The following PTPRD variants were observed in gnomAD, a reference collection of about 807,000 sequenced individuals.
PTPRD encodes the protein receptor-type tyrosine-protein phosphatase delta.
PTPRD carries 34 observed loss-of-function variants against 214.5 expected under a neutral mutation model. The observed-to-expected ratio is 0.16, with a 90% CI of 0.12 to 0.21. PTPRD has a LOEUF of 0.21. Among genes scored for constraint, PTPRD ranks in the 10% least tolerant of loss-of-function variants. The pLI is 1.00. For synonymous variants in PTPRD, 1,128 were observed against 845.7 expected, an observed-to-expected ratio of 1.33 and a Z score of -5.79; for missense variants, 2,545 against 2,398.7, an observed-to-expected ratio of 1.06 and a Z score of -1.27.
At chr9:9,518,624 G>A (rs920980419) in intron 8 of PTPRD, among the ~76,000 whole-genome samples, 5 of 151,966 alleles carry the variant, frequency 3.3e-5, no homozygotes, top group African/African-American at 1.2e-4. Context: ...AAAAACCTGG[G>A]ACCCGAAAGG....
intron 12 of PTPRD, among the ~76,000 whole-genome samples, chr9:8,733,377 T>C (rs1392470853): frequency 6.6e-6 from 1 of 152,176 alleles, no homozygotes; most frequent in Non-Finnish European, 1.5e-5. Flanking sequence ...TGTGACATTG[T>C]GCATTTTTCT....
chr9:9,116,686 TG>T (rs574339750), intron 10 of PTPRD, among the ~76,000 whole-genome samples: 3 of 151,906 alleles, frequency 2.0e-5, no homozygotes, highest in East Asian at 3.9e-4. Context: ...TTGTTTTTCT[TG>T]GGGGGGAAGG....
chr9:9,788,699 G>T (rs1175478190), intron 5 of PTPRD, among the ~76,000 whole-genome samples: 1 of 151,870 alleles, frequency 6.6e-6, no homozygotes, highest in Non-Finnish European at 1.5e-5. Flanking sequence ...GAAGTAAAAA[G>T]AAAAGCCCAA....
chr9:9,899,808 A>G (rs2075956081), intron 5 of PTPRD, among the ~76,000 whole-genome samples: 1 of 152,152 alleles, frequency 6.6e-6, no homozygotes, highest in Admixed American at 6.6e-5. Flanking sequence ...TTAAGTGTCC[A>G]TCAAGAAACA....
intron 7 of PTPRD, among the ~76,000 whole-genome samples, chr9:9,714,784 G>A (rs2097790363): frequency 6.6e-6 from 1 of 152,156 alleles, no homozygotes; most frequent in African/African-American, 2.4e-5. Flanking sequence ...AAAGTTCAAG[G>A]CAGCAATGTT....
chr9:9,034,275 C>A (rs2099614732), intron 10 of PTPRD, among the ~76,000 whole-genome samples: 1 of 152,124 alleles, frequency 6.6e-6, no homozygotes, highest in Admixed American at 6.6e-5. Context: ...GTATCTGTCT[C>A]CAGGTTGGGA....
intron 3 of PTPRD, among the ~76,000 whole-genome samples, chr9:10,050,291 T>A (rs2097505170): frequency 6.6e-6 from 1 of 151,686 alleles, no homozygotes; most frequent in African/African-American, 2.4e-5. Flanking sequence ...CCGGGCTCGG[T>A]GGCTCACCCT....
rs936553109 is a variant in PTPRD, at chr9:8,733,911, T to C, written c.-68A>G. 4 of 1,481,868 alleles carry C rather than the reference T, an allele frequency of 2.7e-6. No homozygotes were observed. The highest frequency in any genetic ancestry group is 2.4e-5 in the South Asian group (2 of 82,558). 91.8% of individuals were successfully genotyped at this position (1,481,868 alleles called of 1,614,324 possible). ...TGCCTCCGGAGCCGCAGCGAGTCTG[T>C]CCGATCTGAAATTTCAGCTGGAACA... is the stretch of plus-strand genomic sequence containing the variant. On this transcript the variant is annotated 5_prime_UTR_variant, in exon 12 of 46. Coordinates refer to ENST00000381196, the MANE Select transcript of PTPRD (RefSeq NM_002839.4).
intron 3 of PTPRD, among the ~76,000 whole-genome samples, chr9:10,059,784 TAA>T (rs5896364): frequency 3.4e-5 from 5 of 148,424 alleles, no homozygotes; most frequent in African/African-American, 1.2e-4. Flanking sequence ...TTTAAGAAAT[TAA>T]AAAAAAAACA....
chr9:9,269,692 C>G (rs1363687546), intron 9 of PTPRD, among the ~76,000 whole-genome samples: 1 of 151,160 alleles, frequency 6.6e-6, no homozygotes, highest in Non-Finnish European at 1.5e-5. Flanking sequence ...ATAAGAAAAT[C>G]CTGCTATTTG....
chr9:9,866,367 A>G (rs1311713990), intron 5 of PTPRD, among the ~76,000 whole-genome samples: 1 of 152,180 alleles, frequency 6.6e-6, no homozygotes, highest in South Asian at 2.1e-4. Context: ...AAAAATGTTA[A>G]GTAAGCAGCC....
At chr9:10,162,991 T>C (rs955944385) in intron 3 of PTPRD, among the ~76,000 whole-genome samples, 2 of 150,864 alleles carry the variant, frequency 1.3e-5, no homozygotes, top group African/African-American at 4.8e-5. Context: ...TATATCTGTA[T>C]CTATCTACTA....
intron 3 of PTPRD, among the ~76,000 whole-genome samples, chr9:10,141,952 C>G (rs1314462231): frequency 2.6e-5 from 4 of 152,044 alleles, no homozygotes; most frequent in Non-Finnish European, 5.9e-5. Context: ...CAGAACAGAG[C>G]CCTCAGAAAT....
At chr9:9,312,829 C>T (rs1959737145) in intron 9 of PTPRD, among the ~76,000 whole-genome samples, 1 of 152,106 alleles carries the variant, frequency 6.6e-6, no homozygotes, top group African/African-American at 2.4e-5. Flanking sequence ...AACAATGCAG[C>T]ACAAAAGCAC....
chr9:10,218,996 C>A (rs907806528), intron 3 of PTPRD, among the ~76,000 whole-genome samples: 4 of 151,432 alleles, frequency 2.6e-5, no homozygotes. Flanking sequence ...TTTTGTTTAC[C>A]CACTAACATT....
At chr9:10,470,733 G>A in intron 2 of PTPRD, among the ~76,000 whole-genome samples, 1 of 152,132 alleles carries the variant, frequency 6.6e-6, no homozygotes, top group East Asian at 1.9e-4. Context: ...CCCCTCTGAG[G>A]CAGGGGAGAA....
At position 8,982,982 on chromosome 9, in the gene PTPRD, A is replaced by T. The variant is rs185616512; in HGVS notation, c.-104+35715T>A. On this transcript the variant is annotated intron_variant, in intron 11 of 45. Transcript: ENST00000381196. Reference sequence around the variant, plus strand: ...TTTGAGATTGTTGAAGTGGATCATCAATTAACCTCACTTAACAATGAGTTG... The same window carrying T: ...TTTGAGATTGTTGAAGTGGATCATCTATTAACCTCACTTAACAATGAGTTG... 1.9e-3 allele frequency among the ~76,000 whole-genome samples: 293 copies of T among 152,162 alleles called. 1 individual carries two copies. The highest frequency in any genetic ancestry group is 6.8e-3 in the African/African-American group (283 of 41,554).
intron 7 of PTPRD, among the ~76,000 whole-genome samples, chr9:9,607,552 A>ATATG (rs1251943909): frequency 6.6e-6 from 1 of 152,130 alleles, no homozygotes; most frequent in Non-Finnish European, 1.5e-5. Context: ...TGCAAAGTTT[A>ATATG]TATGTCTTCT....
chr9:10,604,984 C>A (rs557234974), intron 2 of PTPRD, among the ~76,000 whole-genome samples: 1 of 151,748 alleles, frequency 6.6e-6, no homozygotes, highest in Non-Finnish European at 1.5e-5. Context: ...AAAAAGGAAA[C>A]TCTTCAAACT....
Sources: allele counts gnomAD v4.1 joint callset (sites outside exome capture counted in the v4.1 genomes callset), GRCh38; gene constraint gnomAD v4.1.1; transcripts MANE v1.5; gene names NCBI Gene and HGNC (gene_info 2026-07-23, HGNC 2026-07-21).